Variants in ADAMTS3 observed in about 807,000 individuals in gnomAD.
ADAMTS3 encodes the protein A disintegrin and metalloproteinase with thrombospondin motifs 3.
In ADAMTS3, 73 loss-of-function variants were observed where a neutral mutation model predicts 129.0. The ratio of observed to expected loss-of-function variants is 0.57; its 90% CI spans 0.47 to 0.69. The LOEUF (loss-of-function observed/expected upper bound fraction) is 0.69. ADAMTS3 is among the 30% of genes least tolerant of loss of function. The pLI is 0.00. For synonymous variants in ADAMTS3, 477 were observed against 510.8 expected, an observed-to-expected ratio of 0.93 and a Z score of 0.89; for missense variants, 1,457 against 1,514.5, an observed-to-expected ratio of 0.96 and a Z score of 0.63.
chr4:72,319,166 A>C (rs533684844), intron 9 of ADAMTS3, among the ~76,000 whole-genome samples, 166 bp downstream of exon 9: 2 of 152,290 alleles, frequency 1.3e-5, no homozygotes, highest in East Asian at 3.9e-4. Context: ...AAGTATTGTG[A>C]CTCCATGATA....
At chr4:72,305,080 A>G (rs947181189) in intron 16 of ADAMTS3, among the ~76,000 whole-genome samples, 2 of 152,132 alleles carry the variant, frequency 1.3e-5, no homozygotes, top group African/African-American at 4.8e-5. Flanking sequence ...ACAAATTTTC[A>G]TGGAGTTGAT....
intron 4 of ADAMTS3, among the ~76,000 whole-genome samples, chr4:72,394,988 G>A (rs1165812365): frequency 1.3e-5 from 2 of 151,456 alleles, no homozygotes; most frequent in African/African-American, 2.4e-5. Context: ...GCAGTGGCAC[G>A]ATCTCGACTC....
At chr4:72,304,635 T>C (rs1190286698) in intron 16 of ADAMTS3, among the ~76,000 whole-genome samples, 3 of 152,072 alleles carry the variant, frequency 2.0e-5, no homozygotes, top group Non-Finnish European at 2.9e-5. Flanking sequence ...AAAAAGCTGC[T>C]TACTGCTAAT....
At chr4:72,389,642 C>T (rs1277942849) in intron 4 of ADAMTS3, among the ~76,000 whole-genome samples, 2 of 151,910 alleles carry the variant, frequency 1.3e-5, no homozygotes, top group Non-Finnish European at 2.9e-5. Context: ...TCAAATGTGC[C>T]AACGTTAAGA....
At chr4:72,424,896 T>G (rs533318254) in intron 3 of ADAMTS3, among the ~76,000 whole-genome samples, 1 of 152,236 alleles carries the variant, frequency 6.6e-6, no homozygotes, top group South Asian at 2.1e-4. Flanking sequence ...GGTTATTTTT[T>G]CTTCTTTTAT....
At chr4:72,480,760 A>G (rs1307544192) in intron 3 of ADAMTS3, among the ~76,000 whole-genome samples, 2 of 144,398 alleles carry the variant, frequency 1.4e-5, no homozygotes, top group Non-Finnish European at 1.5e-5. Context: ...GTATACTGGA[A>G]AAAAAAAAAA....
At chr4:72,287,068 T>C (rs918565123) in intron 21 of ADAMTS3, among the ~76,000 whole-genome samples, 1 of 151,260 alleles carries the variant, frequency 6.6e-6, no homozygotes, top group African/African-American at 2.4e-5. Context: ...CTTTGGGAGG[T>C]GACTAGGCCA....
intron 4 of ADAMTS3, among the ~76,000 whole-genome samples, chr4:72,364,924 A>C (rs1318354857): frequency 1.3e-5 from 2 of 152,114 alleles, no homozygotes; most frequent in African/African-American, 2.4e-5. Context: ...ATATAAGTAC[A>C]TGTATCTTGC....
chr4:72,393,107 G>T (rs1473916527), intron 4 of ADAMTS3, among the ~76,000 whole-genome samples: 2 of 151,922 alleles, frequency 1.3e-5, no homozygotes, highest in South Asian at 4.2e-4. Flanking sequence ...TGTATTTTTA[G>T]TAGAGGTGGG....
intron 3 of ADAMTS3, among the ~76,000 whole-genome samples, chr4:72,530,652 TTA>T (rs568177144): frequency 0.012 from 886 of 73,376 alleles, 21 homozygotes; most frequent in African/African-American, 0.038. Context: ...ATATATAATA[TTA>T]TATATATTAT....
chr4:72,389,401 A>G (rs2109890521), intron 4 of ADAMTS3, among the ~76,000 whole-genome samples: 1 of 152,316 alleles, frequency 6.6e-6, no homozygotes, highest in South Asian at 2.1e-4. Flanking sequence ...AACATTTGAA[A>G]CATTTAAAAC....
intron 4 of ADAMTS3, among the ~76,000 whole-genome samples, chr4:72,364,879 G>A (rs940960498): frequency 1.8e-4 from 28 of 152,014 alleles, no homozygotes; most frequent in Non-Finnish European, 3.5e-4. Context: ...GTGAGCCACC[G>A]CACTAGGCCA....
At chr4:72,530,429 AAT>A (rs1720981712) in intron 3 of ADAMTS3, among the ~76,000 whole-genome samples, 2 of 82,258 alleles carry the variant, frequency 2.4e-5, no homozygotes, top group South Asian at 4.2e-4. Context: ...ATATTAAATT[AAT>A]ATATGTTAAT....
chr4:72,474,827 C>G lies in ADAMTS3; in HGVS notation c.505-59856G>C, dbSNP rs534416993. The stretch of plus-strand genomic sequence containing the variant: ...GGATCACGAGGTCAGGAGATCGAGA[C>G]CATCCCGGCTAAAACGGTGAAACCC... On this transcript the variant is annotated intron_variant, in intron 3 of 21. Transcript: ENST00000286657. 5.0e-3 allele frequency among the ~76,000 whole-genome samples: 757 copies of G among 151,788 alleles called. 2 individuals are homozygous for G. Among genetic ancestry groups the G allele is most frequent in the African/African-American group, 0.017 (709 of 41,440 alleles).
At chr4:72,348,568 T>A (rs915289385) in intron 4 of ADAMTS3, among the ~76,000 whole-genome samples, 1 of 152,066 alleles carries the variant, frequency 6.6e-6, no homozygotes, top group African/African-American at 2.4e-5. Flanking sequence ...TGATGAGGTA[T>A]CATTCCTACG....
chr4:72,386,710 C>G (rs1244176716), intron 4 of ADAMTS3, among the ~76,000 whole-genome samples: 1 of 151,964 alleles, frequency 6.6e-6, no homozygotes, highest in Non-Finnish European at 1.5e-5. Context: ...ATAACTTTTC[C>G]AACACTCTAC....
At chr4:72,531,566 G>T (rs1379176654) in intron 3 of ADAMTS3, among the ~76,000 whole-genome samples, 1 of 152,142 alleles carries the variant, frequency 6.6e-6, no homozygotes, top group Non-Finnish European at 1.5e-5. Context: ...AACAGGGTAC[G>T]TGGCTGGCTC....
chr4:72,290,882 T>C lies in ADAMTS3; in HGVS notation c.2904A>G (p.Ala968=), dbSNP rs373210690. 28 of 1,614,002 alleles carry C rather than the reference T, an allele frequency of 1.7e-5. No individual in the cohort carries two copies. Among genetic ancestry groups the C allele is most frequent in the Non-Finnish European group, 2.3e-5 (27 of 1,179,944 alleles). The change falls in exon 20 of 22, where the codon GCA becomes GCG. Residue 968 remains alanine (A), a synonymous_variant. Transcript: ENST00000286657. Reference sequence around the variant, plus strand: ...CACTCCAGGGTCCTGTTTTCCACTGTGCAGGGCAGGGCACTCTGTTACAGG... The same window carrying C: ...CACTCCAGGGTCCTGTTTTCCACTGCGCAGGGCAGGGCACTCTGTTACAGG... ...RRPCNRVPCP[A]QWKTGPWSEC...
intron 4 of ADAMTS3, among the ~76,000 whole-genome samples, chr4:72,364,658 G>GA (rs978011556): frequency 2.0e-5 from 3 of 151,134 alleles, no homozygotes; most frequent in South Asian, 2.1e-4. Context: ...GAAAACAAAT[G>GA]AAAAAAACAG....
Sources: gnomAD v4.1 joint callset for allele counts (sites outside exome capture counted in the v4.1 genomes callset) on GRCh38, gnomAD v4.1.1 for gene constraint, MANE v1.5 for transcripts, NCBI Gene and HGNC (gene_info 2026-07-23, HGNC 2026-07-21) for gene names.